The following ADAMTS17 variants were observed in gnomAD, a reference collection of about 807,000 sequenced individuals.
ADAMTS17 encodes the protein ADAM metallopeptidase with thrombospondin type 1 motif 17, also known as A disintegrin and metalloproteinase with thrombospondin motifs 17.
A neutral mutation model predicts 141.5 loss-of-function variants in ADAMTS17; 113 were observed. The ratio of observed to expected loss-of-function variants is 0.80; its 90% CI spans 0.69 to 0.93. The LOEUF (loss-of-function observed/expected upper bound fraction) is 0.93. Ranked by LOEUF, ADAMTS17 falls within the 40% of genes least tolerant of loss-of-function variation. ADAMTS17 has a pLI of 0.00. For synonymous variants in ADAMTS17, 768 were observed against 630.6 expected (o/e 1.22, Z -3.27); for missense variants, 1,659 against 1,517.9 (o/e 1.09, Z -1.54).
intron 3 of ADAMTS17, among the ~76,000 whole-genome samples, chr15:100,302,338 T>C (rs2045069048): frequency 6.6e-6 from 1 of 152,252 alleles, no homozygotes; most frequent in South Asian, 2.1e-4. Context: ...TGTTTCCACT[T>C]TGAAGCTATT....
intron 10 of ADAMTS17, among the ~76,000 whole-genome samples, chr15:100,144,621 C>T (rs62036164): frequency 0.13 from 19,224 of 151,880 alleles, 1,682 homozygotes; most frequent in Non-Finnish European, 0.18. Flanking sequence ...TGTGGTTTAC[C>T]GGCAACATTC....
At chr15:100,040,679 C>CG (rs2141534581) in intron 18 of ADAMTS17, among the ~76,000 whole-genome samples, 1 of 102,722 alleles carries the variant, frequency 9.7e-6, no homozygotes, top group African/African-American at 2.9e-5. Flanking sequence ...GTCAAATGAC[C>CG]AAAAAAAAAA....
intron 7 of ADAMTS17, among the ~76,000 whole-genome samples, chr15:100,224,558 A>C (rs2042239037): frequency 6.6e-6 from 1 of 152,228 alleles, no homozygotes; most frequent in Non-Finnish European, 1.5e-5. Context: ...AACGCTTGCC[A>C]TTGTGCAGAG....
chr15:100,001,597 C>T (rs1306225191), intron 18 of ADAMTS17, among the ~76,000 whole-genome samples: 1 of 152,078 alleles, frequency 6.6e-6, no homozygotes, highest in African/African-American at 2.4e-5. Context: ...GGAGACCATG[C>T]GTGCCTGCAG....
At chr15:100,223,689 G>GCA (rs1567383167) in intron 7 of ADAMTS17, among the ~76,000 whole-genome samples, 2 of 150,252 alleles carry the variant, frequency 1.3e-5, no homozygotes, top group African/African-American at 5.0e-5. Context: ...ACATATATGT[G>GCA]TATATATACA....
intron 15 of ADAMTS17, among the ~76,000 whole-genome samples, chr15:100,059,053 G>A (rs1262941962): frequency 2.0e-5 from 3 of 152,184 alleles, no homozygotes; most frequent in African/African-American, 7.2e-5. Flanking sequence ...AGTGAACAAG[G>A]AGTGGGGAAG....
At chr15:100,206,355 T>C (rs2041560162) in intron 7 of ADAMTS17, among the ~76,000 whole-genome samples, 1 of 152,192 alleles carries the variant, frequency 6.6e-6, no homozygotes, top group Admixed American at 6.5e-5. Flanking sequence ...GACATGGGCA[T>C]GCCCAGGACA....
intron 18 of ADAMTS17, among the ~76,000 whole-genome samples, chr15:100,004,366 AC>A (rs1567666636): frequency 6.6e-6 from 1 of 151,850 alleles, no homozygotes; most frequent in Non-Finnish European, 1.5e-5. Flanking sequence ...ATTTCACCCA[AC>A]CCCCCCTGGC....
chr15:100,185,389 T>G (rs1319366561), intron 8 of ADAMTS17, among the ~76,000 whole-genome samples: 2 of 152,224 alleles, frequency 1.3e-5, no homozygotes, highest in African/African-American at 4.8e-5. Flanking sequence ...GAACCCACAG[T>G]GTGCACTGCT....
At chr15:100,058,813 C>T (rs973761375) in intron 15 of ADAMTS17, among the ~76,000 whole-genome samples, 1 of 152,092 alleles carries the variant, frequency 6.6e-6, no homozygotes, top group Admixed American at 6.5e-5. Context: ...CTGGAGGCCA[C>T]GGAGGAGTCA....
chr15:99,981,394 A>C (rs2060479772), intron 20 of ADAMTS17, among the ~76,000 whole-genome samples: 1 of 152,216 alleles, frequency 6.6e-6, no homozygotes, highest in African/African-American at 2.4e-5. Flanking sequence ...AGGTGGTCCC[A>C]AGGGCTCTGC....
chr15:100,081,829 G>T (rs114718292), intron 15 of ADAMTS17, among the ~76,000 whole-genome samples: 1 of 152,142 alleles, frequency 6.6e-6, no homozygotes, highest in Non-Finnish European at 1.5e-5. Flanking sequence ...AAGGCTCAGC[G>T]TCCTATACAC....
In ADAMTS17 at chr15:100,281,506, C is replaced by G. The variant is rs1280687996; in HGVS notation, c.617-105G>C. 5 of 1,450,140 alleles carry G rather than the reference C, an allele frequency of 3.4e-6. No individual in the cohort carries two copies. The East Asian group carries it at 9.9e-5, about 29-fold the overall frequency. The allele number at this position is 1,450,140 out of a possible 1,614,324, so 89.8% of individuals were successfully genotyped here. Reference sequence around the variant, plus strand: ...GCCTGCCCGAGAGAGTGGTCAGTCTCGACAGGCCTAGAGGGGCCCAGCACC... The same window carrying G: ...GCCTGCCCGAGAGAGTGGTCAGTCTGGACAGGCCTAGAGGGGCCCAGCACC... On this transcript the variant is annotated intron_variant, in intron 3 of 21. Coordinates refer to ENST00000268070, the MANE Select transcript of ADAMTS17 (RefSeq NM_139057.4).
At chr15:100,162,817 A>C (rs543656540) in intron 8 of ADAMTS17, among the ~76,000 whole-genome samples, 4 of 144,922 alleles carry the variant, frequency 2.8e-5, no homozygotes, top group South Asian at 4.3e-4. Context: ...GCACACATAC[A>C]CATTATATAT....
At chr15:100,314,336 T>C (rs2045495393) in intron 3 of ADAMTS17, among the ~76,000 whole-genome samples, 1 of 152,222 alleles carries the variant, frequency 6.6e-6, no homozygotes, top group Admixed American at 6.5e-5. Context: ...TAGATAACAG[T>C]ATTGTATCCC....
At chr15:100,199,882 C>T (rs1010056565) in intron 7 of ADAMTS17, among the ~76,000 whole-genome samples, 7 of 152,240 alleles carry the variant, frequency 4.6e-5, no homozygotes, top group East Asian at 3.9e-4. Context: ...TCCCCTCAGG[C>T]GATGCCCCTG....
At chr15:100,141,775 G>A (rs771563011) in intron 10 of ADAMTS17, among the ~76,000 whole-genome samples, 3 of 152,242 alleles carry the variant, frequency 2.0e-5, no homozygotes, top group Non-Finnish European at 4.4e-5. Context: ...GCAGTCTACT[G>A]TAAACTTTCA....
chr15:100,086,750 A>G (rs1445547520), intron 15 of ADAMTS17, among the ~76,000 whole-genome samples: 1 of 148,750 alleles, frequency 6.7e-6, no homozygotes, highest in Non-Finnish European at 1.5e-5. Flanking sequence ...TACTGGGTAC[A>G]TAACAAAATG....
Position 100,212,336 on chromosome 15 carries a change from G to A in ADAMTS17, c.1076-12913C>T, listed in dbSNP as rs143982160. On this transcript the variant is annotated intron_variant, in intron 7 of 21. Transcript: ENST00000268070. The stretch of plus-strand genomic sequence containing the variant: ...GGGAGACAGACTCACAGTCAGGCCC[G>A]TGCATAACGCATTCCAGGGAAGACA... Among the ~76,000 whole-genome samples the A allele has an allele frequency of 7.9e-5, 12 of 152,274 alleles. 1 individual carries two copies. In the East Asian group the frequency reaches 1.5e-3, roughly 20 times the overall value.
Sources: gnomAD v4.1 joint callset for allele counts (sites outside exome capture counted in the v4.1 genomes callset) on GRCh38, gnomAD v4.1.1 for gene constraint, MANE v1.5 for transcripts, NCBI Gene and HGNC (gene_info 2026-07-23, HGNC 2026-07-21) for gene names.